Variants in REPS1 observed in about 807,000 individuals in gnomAD.
REPS1 encodes ralBP1-associated Eps domain-containing protein 1.
Under a neutral mutation model 100.9 loss-of-function variants are expected in REPS1, and 39 were observed. The ratio of observed to expected loss-of-function variants is 0.39; its 90% CI spans 0.30 to 0.50. The LOEUF (loss-of-function observed/expected upper bound fraction) is 0.50. Among genes scored for constraint, REPS1 ranks in the 20% least tolerant of loss-of-function variants. The pLI is 0.86. For missense variants in REPS1, 821 were observed against 968.5 expected (o/e 0.85, Z 2.02); for synonymous variants, 324 against 340.3 (o/e 0.95, Z 0.53).
intron 1 of REPS1, among the ~76,000 whole-genome samples, chr6:138,968,541 C>A (rs1282068861): frequency 6.6e-6 from 1 of 152,136 alleles, no homozygotes; most frequent in African/African-American, 2.4e-5. Flanking sequence ...AAATTTCAGA[C>A]CCTTGCATAC....
chr6:138,937,248 G>C (rs116661096), intron 8 of REPS1, among the ~76,000 whole-genome samples: 2,291 of 152,192 alleles, frequency 0.015, 58 homozygotes, highest in African/African-American at 0.052. Flanking sequence ...TGAGATTTGG[G>C]TGGGGACACA....
At chr6:138,906,240 T>C (rs926253776) in intron 19 of REPS1, among the ~76,000 whole-genome samples, 9 of 152,214 alleles carry the variant, frequency 5.9e-5, no homozygotes, top group Admixed American at 5.9e-4. Flanking sequence ...AACAATATCA[T>C]TCATTCAGTA....
At chr6:138,976,667 T>C (rs1037608796) in intron 1 of REPS1, among the ~76,000 whole-genome samples, 1 of 152,190 alleles carries the variant, frequency 6.6e-6, no homozygotes, top group Non-Finnish European at 1.5e-5. Flanking sequence ...CCACCAAAGG[T>C]CAATAGATGG....
At chr6:138,922,555 A>T (rs1436172428) in intron 10 of REPS1, among the ~76,000 whole-genome samples, 1 of 152,184 alleles carries the variant, frequency 6.6e-6, no homozygotes, top group Non-Finnish European at 1.5e-5. Flanking sequence ...AAGAAGAAAA[A>T]GAGAGGTGTA....
chr6:138,911,353 G>A lies in REPS1; in HGVS notation c.1990C>T (p.Pro664Ser). 1 of 1,612,780 alleles carries A rather than the reference G, an allele frequency of 6.2e-7. No homozygotes were observed. The highest frequency in any genetic ancestry group is 8.5e-7 in the Non-Finnish European group (1 of 1,178,996). The change falls in exon 17 of 20, where the codon CCT becomes TCT. Residue 664 changes from proline (P) to serine (S), a missense_variant. This residue lies in a region of REPS1 where 757 missense variants were observed against 866.4 expected (regional missense o/e 0.87). Coordinates refer to ENST00000450536, the MANE Select transcript of REPS1 (RefSeq NM_001286611.2). ...EVLPAEKASD[P>S]ASSLRVAKTD... The stretch of plus-strand genomic sequence containing the variant: ...TTGGCAACTCGAAGAGAACTTGCAG[G>A]ATCAGAAGCTTTTTCAGCCTAAAAA...
chr6:138,970,616 T>C (rs943267913), intron 1 of REPS1, among the ~76,000 whole-genome samples: 1 of 151,860 alleles, frequency 6.6e-6, no homozygotes, highest in African/African-American at 2.4e-5. Context: ...ACCCTATCTC[T>C]AATAAAAATA....
chr6:138,974,980 G>A (rs1193950237), intron 1 of REPS1, among the ~76,000 whole-genome samples: 1 of 151,550 alleles, frequency 6.6e-6, no homozygotes, highest in Non-Finnish European at 1.5e-5. Context: ...GGGTGACAGA[G>A]TGAGACCCTG....
At chr6:138,942,643 T>C (rs1782338801) in intron 7 of REPS1, among the ~76,000 whole-genome samples, 1 of 152,150 alleles carries the variant, frequency 6.6e-6, no homozygotes, top group Admixed American at 6.5e-5. Context: ...GGTTTCACCA[T>C]GTTGCTCAGG....
At position 138,947,851 on chromosome 6, in the gene REPS1, A is replaced by T. The variant is rs879774888; in HGVS notation, c.216T>A (p.Ala72=). 5 of 1,611,246 alleles carry T rather than the reference A, an allele frequency of 3.1e-6. No individual in the cohort carries two copies. Among genetic ancestry groups the T allele is most frequent in the Non-Finnish European group, 4.2e-6 (5 of 1,178,862 alleles). Residue 72 remains alanine, a synonymous_variant, in exon 2 of 20, where the codon GCT becomes GCA. Transcript: ENST00000450536. ...GYFGRSQFYI[A]LKLVAVAQSG... ...ACTGGGCAACAGCTACAAGTTTCAAAGCAATGTAGAACTGACTTCTTCCAA... is the reference window on the plus strand; with the variant it reads ...ACTGGGCAACAGCTACAAGTTTCAATGCAATGTAGAACTGACTTCTTCCAA...
At position 138,980,031 on chromosome 6, in the gene REPS1, C is replaced by T. The variant is rs191244607; in HGVS notation, c.153+7499G>A. Among the ~76,000 whole-genome samples the T allele has an allele frequency of 7.9e-5, 12 of 152,280 alleles. No homozygotes were observed. The East Asian group carries it at 1.9e-3, about 24-fold the overall frequency. On this transcript the variant is annotated intron_variant, in intron 1 of 19. Coordinates refer to ENST00000450536, the MANE Select transcript of REPS1 (RefSeq NM_001286611.2). ...GCTGAATTCACCCTTACCTCTCCCACGAAACAATCCCCCCCAAAATCCACT... is the reference window on the plus strand; with the variant it reads ...GCTGAATTCACCCTTACCTCTCCCATGAAACAATCCCCCCCAAAATCCACT...
At chr6:138,927,400 A>G (rs1157124390) in intron 9 of REPS1, 1 of 152,210 alleles carries the variant, frequency 6.6e-6, no homozygotes, top group Non-Finnish European at 1.5e-5. Context: ...GAATTTTTAC[A>G]TTAAAATTGC....
intron 8 of REPS1, among the ~76,000 whole-genome samples, chr6:138,940,322 A>G (rs1319065813): frequency 6.6e-6 from 1 of 152,256 alleles, no homozygotes; most frequent in African/African-American, 2.4e-5. Context: ...GAGAGTATAG[A>G]TGGAAACACT....
intron 17 of REPS1, among the ~76,000 whole-genome samples, chr6:138,909,739 C>T (rs1379425576): frequency 6.6e-6 from 1 of 152,004 alleles, no homozygotes; most frequent in Non-Finnish European, 1.5e-5. Flanking sequence ...CTTTGCCTTC[C>T]GCCATAAATG....
chr6:138,979,209 A>AAAAAAAAAAAAAAAAT, intron 1 of REPS1, among the ~76,000 whole-genome samples: 1 of 150,612 alleles, frequency 6.6e-6, no homozygotes. Context: ...AAAAAAAAAA[A>AAAAAAAAAAAAAAAAT]ACTGAAGAAG....
At chr6:138,934,357 T>G (rs193114944) in intron 8 of REPS1, 5 of 470,450 alleles carry the variant, frequency 1.1e-5, no homozygotes, top group African/African-American at 1.0e-4. Context: ...CCTAAATTAT[T>G]CGTTAAAGTT....
rs559781559 is a variant in REPS1 at position 138,974,760 on chromosome 6, C to A, written c.153+12770G>T. On this transcript the variant is annotated intron_variant, in intron 1 of 19. Transcript: ENST00000450536. The stretch of plus-strand genomic sequence containing the variant: ...TGAAAGGATATTTCAAATATACAGA[C>A]TTTAAGGCCGGACATGGTGGTTCAC... 5.3e-5 allele frequency among the ~76,000 whole-genome samples: 8 copies of A among 152,258 alleles called. No homozygotes were observed. In the South Asian group the frequency reaches 1.7e-3, roughly 32 times the overall value.
chr6:138,984,126 C>T (rs1785117971), intron 1 of REPS1, among the ~76,000 whole-genome samples: 2 of 146,524 alleles, frequency 1.4e-5, no homozygotes. Flanking sequence ...GTCATCTAGG[C>T]TGGAGTGCAG....
intron 10 of REPS1, among the ~76,000 whole-genome samples, chr6:138,922,822 T>C (rs915168575): frequency 1.3e-5 from 2 of 152,228 alleles, no homozygotes; most frequent in South Asian, 4.1e-4. Context: ...TCAGTTTAAG[T>C]TGGAAACTGT....
At chr6:138,947,736 T>C in intron 2 of REPS1, 54 bp downstream of exon 2, 3 of 1,396,532 alleles carry the variant, frequency 2.1e-6, no homozygotes, top group Non-Finnish European at 2.8e-6. Context: ...TGACTTGACT[T>C]CATTTGTAAT....
Sources: gnomAD v4.1 joint callset for allele counts (sites outside exome capture counted in the v4.1 genomes callset) on GRCh38, gnomAD v4.1.1 for gene constraint, gnomAD v4.1.1 regional missense constraint, MANE v1.5 for transcripts, NCBI Gene and HGNC (gene_info 2026-07-23, HGNC 2026-07-21) for gene names.